Variants in IQCJ observed in about 807,000 individuals in gnomAD.
IQCJ encodes the protein IQ domain-containing protein J.
In IQCJ, 9 loss-of-function variants were observed where a neutral mutation model predicts 11.0. The ratio of observed to expected loss-of-function variants is 0.82; its 90% CI spans 0.49 to 1.43. The LOEUF (loss-of-function observed/expected upper bound fraction) is 1.43. Ranked by LOEUF, IQCJ falls within the 40% of genes most tolerant of loss-of-function variation. The pLI, the probability that IQCJ is intolerant of heterozygous loss-of-function variation, is 0.00. For missense variants in IQCJ, 146 were observed against 133.2 expected (o/e 1.10, Z -0.47); for synonymous variants, 55 against 51.3 (o/e 1.07, Z -0.31).
At chr3:159,250,070 G>A (rs899697723) in intron 2 of IQCJ, among the ~76,000 whole-genome samples, 1 of 152,204 alleles carries the variant, frequency 6.6e-6, no homozygotes, top group Non-Finnish European at 1.5e-5. Context: ...CCATATTTTT[G>A]TAAATATTAA....
At chr3:159,122,941 ATGT>A (rs1365768318) in intron 1 of IQCJ, among the ~76,000 whole-genome samples, 1 of 152,128 alleles carries the variant, frequency 6.6e-6, no homozygotes, top group African/African-American at 2.4e-5. Context: ...AATGGTGATG[ATGT>A]TATTATTATG....
intron 1 of IQCJ, among the ~76,000 whole-genome samples, chr3:159,157,522 A>G (rs553430617): frequency 6.6e-6 from 1 of 152,354 alleles, no homozygotes; most frequent in Admixed American, 6.5e-5. Context: ...ATTGTAGCCT[A>G]CAATTAGGTC....
intron 1 of IQCJ, among the ~76,000 whole-genome samples, chr3:159,211,251 G>A (rs1210999158): frequency 6.6e-6 from 1 of 152,152 alleles, no homozygotes; most frequent in Non-Finnish European, 1.5e-5. Flanking sequence ...GATGAGGAAG[G>A]CCAGGAAGTA....
At chr3:159,265,173 A>G, downstream of IQCJ, 3 of 1,543,314 alleles carry the variant, frequency 1.9e-6, no homozygotes, top group Non-Finnish European at 1.8e-6. Context: ...AGTTGTTTGG[A>G]GTTTAGTGAG....
intron 1 of IQCJ, among the ~76,000 whole-genome samples, chr3:159,169,279 C>CTTTTTTTTTTTTTTTTTTTTTTTTTTT (rs141888128): frequency 8.9e-5 from 5 of 56,396 alleles, no homozygotes; most frequent in Admixed American, 2.4e-4. Flanking sequence ...TTCTTTCTTT[C>CTTTTTTTTTTTTTTTTTTTTTTTTTTT]TTTTTTTTTT....
intron 1 of IQCJ, among the ~76,000 whole-genome samples, chr3:159,148,577 G>A (rs1425514660): frequency 6.6e-6 from 1 of 152,140 alleles, no homozygotes; most frequent in Non-Finnish European, 1.5e-5. Flanking sequence ...CATCTTTCTA[G>A]TACAAAGTGA....
intron 1 of IQCJ, among the ~76,000 whole-genome samples, chr3:159,237,571 G>T (rs543867904): frequency 2.2e-4 from 33 of 152,338 alleles, no homozygotes; most frequent in African/African-American, 7.7e-4. Context: ...GTATAGCCTA[G>T]ATTCCTTTGC....
downstream of IQCJ, chr3:159,265,398 C>T (rs1728445399): frequency 6.2e-7 from 1 of 1,611,992 alleles, no homozygotes; most frequent in Non-Finnish European, 8.5e-7. Context: ...TCTCACCCTC[C>T]AGTGAATGGA....
chr3:159,075,783 C>T lies in IQCJ; in HGVS notation c.9+6342C>T, dbSNP rs1715873736. 2.0e-5 allele frequency among the ~76,000 whole-genome samples: 3 copies of T among 152,078 alleles called. No individual in the cohort carries two copies. The South Asian group carries it at 6.2e-4, about 31-fold the overall frequency. Reference sequence around the variant, plus strand: ...TCATGGCAGATGAATGAGGCAGGCACTGTTGGTTACTGCCTATCTTACAGA... The same window carrying T: ...TCATGGCAGATGAATGAGGCAGGCATTGTTGGTTACTGCCTATCTTACAGA... On this transcript the variant is annotated intron_variant, in intron 1 of 3. Transcript: ENST00000397832.
At chr3:159,155,205 T>A (rs1353603831) in intron 1 of IQCJ, among the ~76,000 whole-genome samples, 1 of 152,192 alleles carries the variant, frequency 6.6e-6, no homozygotes, top group East Asian at 1.9e-4. Flanking sequence ...TCACCAAGGC[T>A]GGAGTGCAGT....
intron 1 of IQCJ, among the ~76,000 whole-genome samples, chr3:159,079,783 A>C (rs1372674921): frequency 6.6e-6 from 1 of 152,072 alleles, no homozygotes; most frequent in Non-Finnish European, 1.5e-5. Context: ...TCCATAATTT[A>C]ATCTTTGGAT....
chr3:159,112,526 C>A (rs1718693875), intron 1 of IQCJ, among the ~76,000 whole-genome samples: 1 of 152,064 alleles, frequency 6.6e-6, no homozygotes, highest in South Asian at 2.1e-4. Context: ...TTGGAAAGAA[C>A]CTTAATATCT....
chr3:159,235,397 T>C (rs1016787670), intron 1 of IQCJ, among the ~76,000 whole-genome samples: 1 of 152,224 alleles, frequency 6.6e-6, no homozygotes, highest in Admixed American at 6.5e-5. Context: ...AGTTTTTGAA[T>C]GTCATGATCT....
At chr3:159,218,781 G>A (rs1435906671) in intron 1 of IQCJ, among the ~76,000 whole-genome samples, 1 of 152,058 alleles carries the variant, frequency 6.6e-6, no homozygotes, top group African/African-American at 2.4e-5. Context: ...AAACTTAGTG[G>A]CTTAAACCAA....
chr3:159,074,217 A>G (rs1010778929), intron 1 of IQCJ, among the ~76,000 whole-genome samples: 38 of 152,108 alleles, frequency 2.5e-4, no homozygotes, highest in African/African-American at 8.9e-4. Context: ...CTGAATGGAG[A>G]GCAATCAGGA....
At chr3:159,222,699 AT>A (rs1371047051) in intron 1 of IQCJ, among the ~76,000 whole-genome samples, 2 of 152,208 alleles carry the variant, frequency 1.3e-5, no homozygotes, top group African/African-American at 4.8e-5. Context: ...TTGCCTAAAA[AT>A]AAAAAAGCAA....
chr3:159,135,891 A>T (rs1720262598), intron 1 of IQCJ, among the ~76,000 whole-genome samples: 1 of 152,218 alleles, frequency 6.6e-6, no homozygotes. Flanking sequence ...TCAATTATTT[A>T]TGTAGTAAAC....
At chr3:159,141,590 G>C (rs1383170583) in intron 1 of IQCJ, among the ~76,000 whole-genome samples, 3 of 152,194 alleles carry the variant, frequency 2.0e-5, no homozygotes, top group Non-Finnish European at 4.4e-5. Context: ...TTTCTGATTA[G>C]CTAAGAGAGT....
chr3:159,183,049 T>C (rs1426634385), intron 1 of IQCJ, among the ~76,000 whole-genome samples: 1 of 151,996 alleles, frequency 6.6e-6, no homozygotes, highest in African/African-American at 2.4e-5. Flanking sequence ...GTTATGAAGG[T>C]GATAGGAGTA....
Sources: allele counts gnomAD v4.1 joint callset (sites outside exome capture counted in the v4.1 genomes callset), GRCh38; gene constraint gnomAD v4.1.1; transcripts MANE v1.5; gene names NCBI Gene and HGNC (gene_info 2026-07-23, HGNC 2026-07-21).